PKD1L1: variants seen among roughly 807,000 people sequenced by gnomAD.
PKD1L1 encodes the protein polycystin 1 like 1, transient receptor potential channel interacting.
In PKD1L1, 236 loss-of-function variants were observed where a neutral mutation model predicts 323.4. The ratio of observed to expected loss-of-function variants is 0.73; its 90% CI spans 0.66 to 0.81. The LOEUF is 0.81. PKD1L1 is among the 40% of genes least tolerant of loss of function. The pLI, the probability that PKD1L1 is intolerant of heterozygous loss-of-function variation, is 0.00. For synonymous variants in PKD1L1, 1,344 were observed against 1,335.0 expected (o/e 1.01, Z -0.15); for missense variants, 3,320 against 3,508.0 (o/e 0.95, Z 1.35).
At chr7:47,893,377 GC>G (rs1454361240) in intron 15 of PKD1L1, among the ~76,000 whole-genome samples, 2 of 152,210 alleles carry the variant, frequency 1.3e-5, no homozygotes, top group African/African-American at 4.8e-5. Flanking sequence ...GGGACTCACA[GC>G]CCAGAGTCCG....
intron 41 of PKD1L1, among the ~76,000 whole-genome samples, chr7:47,832,474 T>G (rs987276520): frequency 6.6e-6 from 1 of 152,178 alleles, no homozygotes; most frequent in Admixed American, 6.5e-5. Context: ...CAACCAAACA[T>G]AGCTGCACGC....
rs1234378050 is a variant in PKD1L1, at chr7:47,880,769, G to T, written c.3479C>A (p.Ser1160Tyr). ...TEQTVTIKPY[S>Y]LSSGETYVLQ... ...GACGTACGTCTCTCCACTGCTCAGAGAGTATGGCTTGATTGTCACTGTCTG... is the reference window on the plus strand; with the variant it reads ...GACGTACGTCTCTCCACTGCTCAGATAGTATGGCTTGATTGTCACTGTCTG... Residue 1160 changes from serine (S) to tyrosine (Y), a missense_variant, in exon 21 of 57, where the codon TCT becomes TAT. Coordinates refer to ENST00000289672, the MANE Select transcript of PKD1L1 (RefSeq NM_138295.5). 6.2e-7 allele frequency: 1 copy of T among 1,609,210 alleles called. No individual in the cohort carries two copies.
In PKD1L1 at chr7:47,803,361, T is replaced by A; in HGVS notation, c.7828-17A>T. On this transcript the variant is annotated splice_polypyrimidine_tract_variant and intron_variant, in intron 52 of 56. Transcript: ENST00000289672. ...TCGAGCCCTCTGAGACAGAAGAACA[T>A]AACAGTCAGTGTGCCATGCCAGTCA... is the stretch of plus-strand genomic sequence containing the variant. The A allele has an allele frequency of 6.2e-7, 1 of 1,612,746 alleles. No individual in the cohort carries two copies.
chr7:47,869,818 A>G (rs1381975988), intron 24 of PKD1L1, among the ~76,000 whole-genome samples: 3 of 152,190 alleles, frequency 2.0e-5, no homozygotes, highest in Non-Finnish European at 2.9e-5. Context: ...CATTTTCTAG[A>G]ATACACCATA....
rs141082559 is a variant in PKD1L1, at chr7:47,794,384, G to A, written c.8356-1587C>T. ...AGTTGCTCCAGCCATGGCCGAAAGG[G>A]GCCATTGTACAACTTGGGCTGGGGC... On this transcript the variant is annotated intron_variant, in intron 55 of 56. Transcript: ENST00000289672. 1.7e-3 allele frequency among the ~76,000 whole-genome samples: 252 copies of A among 152,296 alleles called. 4 individuals carry two copies. The highest frequency in any genetic ancestry group is 5.9e-3 in the African/African-American group (247 of 41,554).
At chr7:47,905,135 C>A (rs755417996) in intron 11 of PKD1L1, 22 bp downstream of exon 11, 1 of 1,608,818 alleles carries the variant, frequency 6.2e-7, no homozygotes, top group Non-Finnish European at 8.5e-7. Flanking sequence ...AGCTACTCAG[C>A]AGGACTGCTA....
chr7:47,922,346 G>A (rs888533686), intron 7 of PKD1L1, among the ~76,000 whole-genome samples: 1 of 152,188 alleles, frequency 6.6e-6, no homozygotes, highest in Non-Finnish European at 1.5e-5. Flanking sequence ...CGTCTAGGAA[G>A]TGAGGAGCGT....
At chr7:47,885,584 A>C in intron 18 of PKD1L1, 102 bp downstream of exon 18, 1 of 1,445,968 alleles carries the variant, frequency 6.9e-7, no homozygotes. Flanking sequence ...TTAAAGGCCC[A>C]TGTTGATGTG....
At chr7:47,896,137 G>A (rs1261495676) in intron 14 of PKD1L1, among the ~76,000 whole-genome samples, 1 of 152,118 alleles carries the variant, frequency 6.6e-6, no homozygotes, top group Non-Finnish European at 1.5e-5. Context: ...AGGAGTTCGA[G>A]AGCAGCCTGT....
At chr7:47,881,362 G>T (rs931720927) in intron 20 of PKD1L1, among the ~76,000 whole-genome samples, 10 of 152,056 alleles carry the variant, frequency 6.6e-5, no homozygotes, top group African/African-American at 2.4e-4. Context: ...TCTTACAATA[G>T]TACTTCTCAA....
intron 1 of PKD1L1, among the ~76,000 whole-genome samples, chr7:47,947,018 C>T (rs529898549): frequency 4.3e-4 from 65 of 152,292 alleles, no homozygotes; most frequent in African/African-American, 1.5e-3. Flanking sequence ...GGGCCAACAT[C>T]AAGGCTCTGG....
At chr7:47,821,305 G>A (rs1414809488) in intron 45 of PKD1L1, 119 bp from the exon 46 acceptor site, 2 of 581,818 alleles carry the variant, frequency 3.4e-6, no homozygotes, top group Non-Finnish European at 5.8e-6. Flanking sequence ...GTCTCACTCT[G>A]TCACCCAGGC....
intron 56 of PKD1L1, among the ~76,000 whole-genome samples, chr7:47,786,908 G>T (rs1325363985): frequency 6.6e-6 from 1 of 152,192 alleles, no homozygotes; most frequent in Non-Finnish European, 1.5e-5. Context: ...GAGCTGGCAA[G>T]GGGGAGAAGG....
the PKD1L1 span, among the ~76,000 whole-genome samples, chr7:47,956,514 G>C: frequency 6.6e-6 from 1 of 152,198 alleles, no homozygotes; most frequent in African/African-American, 2.4e-5. Context: ...GCGTTCACGG[G>C]CTTAAAGACC....
chr7:47,822,587 T>G (rs1311830094), intron 45 of PKD1L1, among the ~76,000 whole-genome samples: 2 of 84,368 alleles, frequency 2.4e-5, no homozygotes, highest in African/African-American at 4.7e-5. Context: ...AAAGTGAGAC[T>G]CCGTCTCAAA....
intron 15 of PKD1L1, 78 bp downstream of exon 15, chr7:47,893,800 C>T (rs1299104874): frequency 3.8e-5 from 55 of 1,439,008 alleles, no homozygotes; most frequent in Non-Finnish European, 5.0e-5. Context: ...TATTAATAGC[C>T]TCCAACGTTC....
At chr7:47,950,513 T>C (rs1005208906), upstream of PKD1L1, among the ~76,000 whole-genome samples, 2 of 152,046 alleles carry the variant, frequency 1.3e-5, no homozygotes, top group African/African-American at 4.8e-5. Flanking sequence ...TTAAATAGAA[T>C]TAAGAATTAG....
chr7:47,838,257 G>C (rs981539479), intron 36 of PKD1L1, among the ~76,000 whole-genome samples: 1 of 152,218 alleles, frequency 6.6e-6, no homozygotes, highest in Non-Finnish European at 1.5e-5. Context: ...CCAAGGCCTT[G>C]AGCCTGGGCC....
intron 13 of PKD1L1, among the ~76,000 whole-genome samples, chr7:47,900,338 TTG>T (rs1166636197): frequency 6.6e-6 from 1 of 152,226 alleles, no homozygotes; most frequent in Non-Finnish European, 1.5e-5. Flanking sequence ...GGGAAAGGCA[TTG>T]TGTTCTTCAG....
Sources: allele counts gnomAD v4.1 joint callset (sites outside exome capture counted in the v4.1 genomes callset), GRCh38; gene constraint gnomAD v4.1.1; transcripts MANE v1.5; gene names NCBI Gene and HGNC (gene_info 2026-07-23, HGNC 2026-07-21).